Variants in USH1C observed in about 807,000 individuals in gnomAD.
USH1C encodes USH1 protein network component harmonin.
USH1C carries 90 observed loss-of-function variants against 119.3 expected under a neutral mutation model. The observed-to-expected ratio is 0.75, with a 90% CI of 0.64 to 0.90. The LOEUF is 0.90. Ranked by LOEUF, USH1C falls within the 40% of genes least tolerant of loss-of-function variation. The pLI is 0.00. For missense variants in USH1C, 1,165 were observed against 1,167.7 expected, an observed-to-expected ratio of 1.00 and a Z score of 0.03; for synonymous variants, 465 against 443.3, an observed-to-expected ratio of 1.05 and a Z score of -0.62.
chr11:17,506,698 G>A (rs981177760), intron 18 of USH1C, among the ~76,000 whole-genome samples: 11 of 152,116 alleles, frequency 7.2e-5, no homozygotes, highest in South Asian at 2.1e-4. Flanking sequence ...TCCTTCTTCC[G>A]CTTTGCCTCC....
At chr11:17,516,551 C>A (rs1376183445) in intron 14 of USH1C, 5 of 515,290 alleles carry the variant, frequency 9.7e-6, no homozygotes, top group African/African-American at 3.9e-5. Flanking sequence ...CCCCAGAACA[C>A]TGGTTTCAGA....
Position 17,509,750 on chromosome 11 carries a change from G to C in USH1C, c.1619C>G (p.Thr540Ser). Residue 540 changes from threonine (T) to serine (S), a missense_variant, in exon 18 of 27, where the codon ACC (threonine) becomes AGC (serine). Transcript: ENST00000005226. ...RRFAGGLHLH[T>S]TDLDDIPLDM... ...CAAAGGGATGTCGTCCAGGTCAGTG[G>C]TGTGCAGGTGCAGTCCGCCTGCGAA... 4 of 1,602,398 alleles carry C rather than the reference G, an allele frequency of 2.5e-6. No homozygotes were observed. In the South Asian group the frequency reaches 4.4e-5, roughly 18 times the overall value.
intron 18 of USH1C, among the ~76,000 whole-genome samples, chr11:17,507,240 G>A (rs866852578): frequency 2.6e-5 from 4 of 152,230 alleles, no homozygotes; most frequent in African/African-American, 9.6e-5. Context: ...TGGGCCAAAT[G>A]AAGCCAACCA....
rs907330007 is a variant in USH1C, at chr11:17,544,413, A to G, written c.-106T>C. On this transcript the variant is annotated 5_prime_UTR_variant, in exon 1 of 27. Coordinates refer to ENST00000005226, the MANE Select transcript of USH1C (RefSeq NM_153676.4). ...CCGCGACCGGGCCAGCCGCCCTCGGAGCTGGGGGCGGGGCCTGAGCGCGGA... is the reference window on the plus strand; with the variant it reads ...CCGCGACCGGGCCAGCCGCCCTCGGGGCTGGGGGCGGGGCCTGAGCGCGGA... 12 of 1,528,582 alleles carry G rather than the reference A, an allele frequency of 7.9e-6. No individual in the cohort carries two copies. The African/African-American group carries it at 1.5e-4, about 19-fold the overall frequency. 94.7% of individuals were successfully genotyped at this position (1,528,582 alleles called of 1,614,324 possible).
At chr11:17,503,922 C>T (rs1172239653) in intron 20 of USH1C, among the ~76,000 whole-genome samples, 1 of 152,240 alleles carries the variant, frequency 6.6e-6, no homozygotes, top group Admixed American at 6.5e-5. Flanking sequence ...CCCCTCTGCT[C>T]CCTGCCTGTA....
rs1849216221 is a variant in USH1C, at chr11:17,495,593, C to G, written c.2631G>C (p.Gly877=). 1 of 1,614,176 alleles carries G rather than the reference C, an allele frequency of 6.2e-7. No homozygotes were observed. Among genetic ancestry groups the G allele is most frequent in the Non-Finnish European group, 8.5e-7 (1 of 1,180,042 alleles). Residue 877 remains glycine (G), a synonymous_variant, in exon 26 of 27, where the codon GGG becomes GGC. Transcript: ENST00000005226. The part of the protein sequence containing the change: ...LEDRAAVHRH[G]FLLQLEPTDL... The stretch of plus-strand genomic sequence containing the variant: ...CCGTGGGCTCCAGCTGCAGGAGGAA[C>G]CCGTGTCTGTGCACGGCAGCACGGT...
rs1849264753 is a variant in USH1C at position 17,496,803 on chromosome 11, T to C, written c.2501A>G (p.Asp834Gly). Residue 834 changes from aspartate (D) to glycine (G), a missense_variant, in exon 25 of 27, where the codon GAC becomes GGC. Transcript: ENST00000005226. ...KAWNQGGDWIDLVVAVCPPKE... is the reference protein window; with the variant it reads ...KAWNQGGDWIGLVVAVCPPKE... ...TGGGGGGCAGACGGCAACCACAAGG[T>C]CGATCCAGTCCTGTGGGGAGAAGCC... The C allele has an allele frequency of 1.2e-6, 2 of 1,614,026 alleles. No individual in the cohort carries two copies. Among genetic ancestry groups the C allele is most frequent in the African/African-American group, 1.3e-5 (1 of 74,930 alleles).
In USH1C at chr11:17,523,493, G is replaced by A. The variant is rs1850517660; in HGVS notation, c.760-15C>T. On this transcript the variant is annotated splice_polypyrimidine_tract_variant and intron_variant, in intron 9 of 26. Transcript: ENST00000005226. ...TGGTCCCCTATCTGGTGGGGAAATGGAGAAAGATTAGTGTGTTTGCGCTAT... is the reference window on the plus strand; with the variant it reads ...TGGTCCCCTATCTGGTGGGGAAATGAAGAAAGATTAGTGTGTTTGCGCTAT... 3 of 1,613,972 alleles carry A rather than the reference G, an allele frequency of 1.9e-6. No individual in the cohort carries two copies. The highest frequency in any genetic ancestry group is 2.5e-6 in the Non-Finnish European group (3 of 1,179,860).
intron 7 of USH1C, 49 bp downstream of exon 7, chr11:17,526,704 C>T (rs1850692208): frequency 6.3e-7 from 1 of 1,595,374 alleles, no homozygotes; most frequent in African/African-American, 1.3e-5. Flanking sequence ...GCCACCCCTC[C>T]TTGAAGATGA....
chr11:17,509,852 A>G lies in USH1C; in HGVS notation c.1531-14T>C, dbSNP rs12806834. On this transcript the variant is annotated splice_polypyrimidine_tract_variant and intron_variant, in intron 17 of 26. Transcript: ENST00000005226. The stretch of plus-strand genomic sequence containing the variant: ...CCCTGTGGTCATCTGGGGGTGTTGC[A>G]AGGAAGTTCTGTAATTGTCACTCTG... 1 of 1,587,408 alleles carries G rather than the reference A, an allele frequency of 6.3e-7. No individual in the cohort carries two copies. The highest frequency in any genetic ancestry group is 8.5e-7 in the Non-Finnish European group (1 of 1,173,198).
chr11:17,540,701 T>A (rs2133959437), intron 1 of USH1C, among the ~76,000 whole-genome samples: 2 of 152,298 alleles, frequency 1.3e-5, no homozygotes, highest in Non-Finnish European at 2.9e-5. Context: ...AGCCAATCCA[T>A]CAGCAAAGCC....
At chr11:17,510,006 G>A (rs191482806) in intron 17 of USH1C, among the ~76,000 whole-genome samples, 168 bp from the exon 18 acceptor site, 1 of 152,180 alleles carries the variant, frequency 6.6e-6, no homozygotes, top group African/African-American at 2.4e-5. Context: ...ATGCCCAGCT[G>A]AGGCCATACT....
chr11:17,498,150 C>T lies in USH1C; in HGVS notation c.2490+12G>A, dbSNP rs2072232. On this transcript the variant is annotated intron_variant, in intron 24 of 26. Coordinates refer to ENST00000005226, the MANE Select transcript of USH1C (RefSeq NM_153676.4). The stretch of plus-strand genomic sequence containing the variant: ...GGTGAGGGAGGAAAGGAGGGAGGGG[C>T]CTTATTCTTACCCCGCCCTGATTCC... 3 of 1,610,634 alleles carry T rather than the reference C, an allele frequency of 1.9e-6. No individual in the cohort carries two copies. Among genetic ancestry groups the T allele is most frequent in the East Asian group, 2.2e-5 (1 of 44,842 alleles).
In USH1C at chr11:17,509,452, G is replaced by A; in HGVS notation, c.1917C>T (p.Asp639=). The A allele has an allele frequency of 1.2e-6, 2 of 1,612,570 alleles. No homozygotes were observed. The highest frequency in any genetic ancestry group is 4.5e-5 in the East Asian group (2 of 44,812). The change falls in exon 18 of 27, where the codon GAC becomes GAT. Residue 639 remains aspartate, a synonymous_variant. Coordinates refer to ENST00000005226, the MANE Select transcript of USH1C (RefSeq NM_153676.4). Reference sequence around the variant, plus strand: ...CCCAGTCCTCCACTGGATTGCCTGTGTCCCCAGTGCGGAAGGGATGGTTGC... The same window carrying A: ...CCCAGTCCTCCACTGGATTGCCTGTATCCCCAGTGCGGAAGGGATGGTTGC... ...ALSNHPFRTG[D]TGNPVEDWEA...
chr11:17,523,998 G>T (rs138173360), intron 9 of USH1C, among the ~76,000 whole-genome samples: 76 of 152,294 alleles, frequency 5.0e-4, no homozygotes, highest in Middle Eastern at 6.8e-3. Flanking sequence ...AGAGGTTAAG[G>T]GTTCCTGCTT....
At chr11:17,530,897 G>GGCA (rs1330609496) in intron 4 of USH1C, among the ~76,000 whole-genome samples, 2 of 152,162 alleles carry the variant, frequency 1.3e-5, no homozygotes, top group African/African-American at 4.8e-5. Context: ...GAAGTGCAGC[G>GGCA]GCAGCAGCTG....
Position 17,531,686 on chromosome 11 carries a change from CA to C in USH1C, c.105-145del, listed in dbSNP as rs1211873828. 3.8e-6 allele frequency: 4 copies of C among 1,063,528 alleles called. No homozygotes were observed. The East Asian group carries it at 1.0e-4, about 28-fold the overall frequency. The allele number at this position is 1,063,528 out of a possible 1,614,324, so 65.9% of individuals were successfully genotyped here. Reference sequence around the variant, plus strand: ...CTCCTGAAAAGCCCAGAGCTCTTCACACCGGGCCAGTGCCTGAGAAGACTTT... The same window carrying C: ...CTCCTGAAAAGCCCAGAGCTCTTCACCCGGGCCAGTGCCTGAGAAGACTTT... On this transcript the variant is annotated intron_variant, in intron 2 of 26. Transcript: ENST00000005226. The surrounding 1 kb of genome is among the most constrained non-coding windows in gnomAD (Gnocchi z 4.2).
intron 17 of USH1C, 75 bp downstream of exon 17, chr11:17,510,330 C>G: frequency 7.9e-7 from 1 of 1,268,868 alleles, no homozygotes. Context: ...GTTGTCATCT[C>G]ACCTCCCGCT....
rs1849457789 is a variant in USH1C at position 17,501,802 on chromosome 11, G to A, written c.2226+137C>T. On this transcript the variant is annotated intron_variant, in intron 21 of 26. Transcript: ENST00000005226. ...GAATCTTCGTGGGAAGAGCAGCTGG[G>A]GCATCACTGGGGCTCCTCTGTGCCC... The A allele has an allele frequency of 6.8e-6, 7 of 1,035,898 alleles. No individual in the cohort carries two copies. In the South Asian group the frequency reaches 1.0e-4, roughly 15 times the overall value. The allele number at this position is 1,035,898 out of a possible 1,614,324, so 64.2% of individuals were successfully genotyped here. A position where few individuals can be genotyped will look rare whatever the true frequency, so the allele number is the denominator to read the frequency against.
Sources: gnomAD v4.1 joint callset for allele counts (sites outside exome capture counted in the v4.1 genomes callset) on GRCh38, gnomAD v4.1.1 for gene constraint, Gnocchi (gnomAD v3.1) non-coding constraint, MANE v1.5 for transcripts, NCBI Gene and HGNC (gene_info 2026-07-23, HGNC 2026-07-21) for gene names.